Variants in NTM observed in about 807,000 individuals in gnomAD.
NTM encodes the protein IgLON family member 2.
In NTM, 13 loss-of-function variants were observed where a neutral mutation model predicts 42.1. The ratio of observed to expected loss-of-function variants is 0.31; its 90% CI spans 0.20 to 0.49. NTM has a LOEUF of 0.49. Among genes scored for constraint, NTM ranks in the 20% least tolerant of loss-of-function variants. The pLI is 0.99. For missense variants in NTM, 373 were observed against 452.8 expected (o/e 0.82, Z 1.60); for synonymous variants, 187 against 179.2 (o/e 1.04, Z -0.35).
intron 7 of NTM, chr11:132,317,722 C>T (rs1269049273): frequency 2.3e-6 from 3 of 1,278,354 alleles, no homozygotes; most frequent in Non-Finnish European, 3.1e-6. Flanking sequence ...TGTTTTGTCT[C>T]CCCTTCCCTC....
chr11:132,068,722 GT>G (rs2056896608), intron 2 of NTM, among the ~76,000 whole-genome samples: 1 of 152,220 alleles, frequency 6.6e-6, no homozygotes, highest in South Asian at 2.1e-4. Context: ...ATTGCAGGGA[GT>G]TGGCTCACAT....
At chr11:131,584,181 C>G (rs776351590) in intron 1 of NTM, among the ~76,000 whole-genome samples, 5 of 152,220 alleles carry the variant, frequency 3.3e-5, no homozygotes, top group Non-Finnish European at 2.9e-5. Flanking sequence ...CTCTCAGTCC[C>G]TGCCCTGTGC....
chr11:132,261,732 C>CA (rs2092869528), intron 4 of NTM, among the ~76,000 whole-genome samples: 1 of 152,160 alleles, frequency 6.6e-6, no homozygotes, highest in African/African-American at 2.4e-5. Flanking sequence ...TAGGAGCTGC[C>CA]AGTCAAACCT....
chr11:131,812,470 G>A (rs972065611), intron 1 of NTM, among the ~76,000 whole-genome samples: 20 of 152,152 alleles, frequency 1.3e-4, no homozygotes, highest in African/African-American at 3.6e-4. Context: ...TGTGGCATTA[G>A]AGCCTGCCTT....
chr11:131,725,002 C>T (rs530445073), intron 1 of NTM, among the ~76,000 whole-genome samples: 1 of 152,144 alleles, frequency 6.6e-6, no homozygotes, highest in Non-Finnish European at 1.5e-5. Context: ...AACTCAGGTC[C>T]AGGGACAACA....
intron 1 of NTM, among the ~76,000 whole-genome samples, chr11:131,467,658 T>G (rs1591755511): frequency 6.6e-6 from 1 of 152,224 alleles, no homozygotes; most frequent in Non-Finnish European, 1.5e-5. Context: ...TGAGAGGTTA[T>G]TAAATAATTT....
intron 1 of NTM, among the ~76,000 whole-genome samples, chr11:131,713,496 C>A (rs937619942): frequency 2.0e-5 from 3 of 152,176 alleles, no homozygotes; most frequent in Non-Finnish European, 4.4e-5. Flanking sequence ...CTTCTCTGGG[C>A]CCAATTCATT....
intron 1 of NTM, among the ~76,000 whole-genome samples, chr11:131,611,622 A>G (rs1464247478): frequency 6.6e-6 from 1 of 152,332 alleles, no homozygotes; most frequent in East Asian, 1.9e-4. Context: ...CTAAACACAC[A>G]TCACTCCTAT....
At chr11:131,375,168 A>C (rs950969512) in intron 1 of NTM, among the ~76,000 whole-genome samples, 2 of 152,100 alleles carry the variant, frequency 1.3e-5, no homozygotes, top group Admixed American at 1.3e-4. Context: ...TGTTTTCTGT[A>C]GGGAAAAATC....
Position 132,310,109 on chromosome 11 carries a change from C to T in NTM, c.662-3C>T, listed in dbSNP as rs2095237528. 1.3e-6 allele frequency: 2 copies of T among 1,572,642 alleles called. No individual in the cohort carries two copies. Among genetic ancestry groups the T allele is most frequent in the African/African-American group, 1.4e-5 (1 of 71,476 alleles). On this transcript the variant is annotated splice_polypyrimidine_tract_variant and splice_region_variant and intron_variant, in intron 5 of 8. Transcript: ENST00000683400. Reference sequence around the variant, plus strand: ...GCGGCTATGAGACATCTTCTTTTTGCAGATCCACCATACATTTCAGAAGCC... The same window carrying T: ...GCGGCTATGAGACATCTTCTTTTTGTAGATCCACCATACATTTCAGAAGCC...
intron 1 of NTM, among the ~76,000 whole-genome samples, chr11:131,566,111 C>T (rs947991254): frequency 6.6e-6 from 1 of 152,154 alleles, no homozygotes; most frequent in Non-Finnish European, 1.5e-5. Flanking sequence ...TCTCTCCCTT[C>T]CAGAAAACTG....
chr11:131,868,490 C>T (rs1027201175), intron 1 of NTM, among the ~76,000 whole-genome samples: 2 of 152,178 alleles, frequency 1.3e-5, no homozygotes, highest in Admixed American at 1.3e-4. Flanking sequence ...TGTGCAGACC[C>T]TTCAGTGGGC....
At chr11:131,791,784 G>T (rs1054665428) in intron 1 of NTM, among the ~76,000 whole-genome samples, 3 of 152,250 alleles carry the variant, frequency 2.0e-5, no homozygotes, top group African/African-American at 7.2e-5. Context: ...ACCCTTAGAA[G>T]ACGAAGTGTT....
At chr11:132,127,289 A>G (rs1254379719) in intron 2 of NTM, among the ~76,000 whole-genome samples, 4 of 152,266 alleles carry the variant, frequency 2.6e-5, no homozygotes, top group African/African-American at 9.6e-5. Context: ...GCTGTGATGT[A>G]TTAATATCCT....
chr11:131,589,014 C>T (rs932425813), intron 1 of NTM, among the ~76,000 whole-genome samples: 2 of 152,070 alleles, frequency 1.3e-5, no homozygotes, highest in Non-Finnish European at 1.5e-5. Flanking sequence ...AGGACTCATG[C>T]CTGAGCATGC....
intron 4 of NTM, among the ~76,000 whole-genome samples, chr11:132,218,459 C>G (rs2167050): frequency 2.6e-5 from 4 of 151,896 alleles, no homozygotes; most frequent in Admixed American, 1.3e-4. Context: ...TGGCTGTGCT[C>G]TGAAACCTGG....
intron 2 of NTM, among the ~76,000 whole-genome samples, chr11:132,042,245 C>T (rs1446911157): frequency 6.6e-6 from 1 of 152,008 alleles, no homozygotes; most frequent in Non-Finnish European, 1.5e-5. Context: ...AAATAGCAGC[C>T]CCTCGTTCCT....
intron 1 of NTM, among the ~76,000 whole-genome samples, chr11:131,605,310 A>G (rs987696874): frequency 6.6e-6 from 1 of 152,042 alleles, no homozygotes; most frequent in African/African-American, 2.4e-5. Flanking sequence ...ACTCTTTTTG[A>G]TGTTGTTGTA....
chr11:131,415,094 C>A (rs1946810777), intron 1 of NTM, among the ~76,000 whole-genome samples: 1 of 152,076 alleles, frequency 6.6e-6, no homozygotes, highest in South Asian at 2.1e-4. Context: ...CAATAGCAGG[C>A]CATCTGGAGA....
Sources: gnomAD v4.1 joint callset for allele counts (sites outside exome capture counted in the v4.1 genomes callset) on GRCh38, gnomAD v4.1.1 for gene constraint, MANE v1.5 for transcripts, NCBI Gene and HGNC (gene_info 2026-07-23, HGNC 2026-07-21) for gene names.